Variants in PABPC4L observed in about 807,000 individuals in gnomAD.
PABPC4L encodes poly(A) binding protein cytoplasmic 4 like.
For missense variants in PABPC4L, 452 were observed against 451.4 expected, an observed-to-expected ratio of 1.00 and a Z score of -0.01; for synonymous variants, 169 against 164.1, an observed-to-expected ratio of 1.03 and a Z score of -0.23.
the PABPC4L span, among the ~76,000 whole-genome samples, chr4:133,995,822 G>T: frequency 6.6e-6 from 1 of 152,276 alleles, no homozygotes; most frequent in Admixed American, 6.5e-5. Flanking sequence ...AGGAGATATT[G>T]GCTGGGCTGT....
downstream of PABPC4L, among the ~76,000 whole-genome samples, chr4:134,192,169 A>G (rs1386102427): frequency 4.6e-5 from 7 of 152,144 alleles, no homozygotes; most frequent in Admixed American, 1.3e-4. Context: ...ATTCACACAA[A>G]TGAATATTAT....
At chr4:134,044,928 A>C in the PABPC4L span, among the ~76,000 whole-genome samples, 1 of 152,170 alleles carries the variant, frequency 6.6e-6, no homozygotes, top group East Asian at 1.9e-4. Context: ...TCCTTACAAA[A>C]ACAATTTCCA....
chr4:134,099,162 A>T, the PABPC4L span, among the ~76,000 whole-genome samples: 27 of 151,844 alleles, frequency 1.8e-4, no homozygotes, highest in East Asian at 5.3e-3. Flanking sequence ...TGGAAATAAT[A>T]TTCCGTAATA....
the PABPC4L span, among the ~76,000 whole-genome samples, chr4:134,188,430 G>A: frequency 3.3e-5 from 5 of 151,928 alleles, no homozygotes; most frequent in Admixed American, 2.0e-4. Flanking sequence ...GTTAATTATT[G>A]ACTTATAACA....
At chr4:133,978,266 T>A in the PABPC4L span, among the ~76,000 whole-genome samples, 85 of 152,132 alleles carry the variant, frequency 5.6e-4, no homozygotes, top group African/African-American at 1.7e-3. Context: ...AGGTGCTAGA[T>A]AAGAGCAAAA....
At chr4:133,997,053 G>A in the PABPC4L span, among the ~76,000 whole-genome samples, 1 of 151,994 alleles carries the variant, frequency 6.6e-6, no homozygotes, top group South Asian at 2.1e-4. Context: ...AAAGCCTCTC[G>A]GCTTTCCAAG....
the PABPC4L span, among the ~76,000 whole-genome samples, chr4:134,181,011 T>A: frequency 6.6e-6 from 1 of 151,516 alleles, no homozygotes; most frequent in Non-Finnish European, 1.5e-5. Flanking sequence ...GAGGTGAGAA[T>A]CCTCCCTAAC....
chr4:134,188,061 C>T, the PABPC4L span, among the ~76,000 whole-genome samples: 1 of 151,694 alleles, frequency 6.6e-6, no homozygotes, highest in Non-Finnish European at 1.5e-5. Flanking sequence ...TATTTTCTCT[C>T]TTTCTTAGCA....
chr4:134,033,006 A>C, the PABPC4L span, among the ~76,000 whole-genome samples: 13 of 145,422 alleles, frequency 8.9e-5, no homozygotes, highest in African/African-American at 3.1e-4. Context: ...GCTTTATTGC[A>C]TGACACAAGT....
the PABPC4L span, among the ~76,000 whole-genome samples, chr4:134,013,935 C>T: frequency 1.3e-4 from 20 of 152,108 alleles, no homozygotes; most frequent in African/African-American, 3.6e-4. Flanking sequence ...AGTTTCATTC[C>T]GTGACTAGCC....
the PABPC4L span, among the ~76,000 whole-genome samples, chr4:133,959,976 T>G: frequency 6.6e-6 from 1 of 152,260 alleles, no homozygotes; most frequent in Non-Finnish European, 1.5e-5. Flanking sequence ...TAATTCTGTT[T>G]ATATGTGTTT....
chr4:134,042,901 A>C, the PABPC4L span, among the ~76,000 whole-genome samples: 1 of 151,990 alleles, frequency 6.6e-6, no homozygotes, highest in South Asian at 2.1e-4. Flanking sequence ...AGGGTGGCCT[A>C]TTTTTCCTGT....
At chr4:134,144,908 T>A in the PABPC4L span, among the ~76,000 whole-genome samples, 1 of 151,742 alleles carries the variant, frequency 6.6e-6, no homozygotes, top group African/African-American at 2.4e-5. Flanking sequence ...GTTTATGATT[T>A]GTGAGCCAAC....
At chr4:134,113,981 C>A in the PABPC4L span, among the ~76,000 whole-genome samples, 1 of 151,802 alleles carries the variant, frequency 6.6e-6, no homozygotes, top group South Asian at 2.1e-4. Flanking sequence ...ATATTTAAAT[C>A]TGGGTGTTAT....
chr4:134,133,048 A>G, the PABPC4L span, among the ~76,000 whole-genome samples: 1 of 138,856 alleles, frequency 7.2e-6, no homozygotes, highest in Admixed American at 7.5e-5. Flanking sequence ...CATACATTAT[A>G]TATATTATTT....
the PABPC4L span, among the ~76,000 whole-genome samples, chr4:134,145,176 T>C: frequency 1.1e-4 from 17 of 151,956 alleles, no homozygotes; most frequent in South Asian, 3.1e-3. Context: ...GATGAGCCTA[T>C]CTGACAGTCA....
At chr4:134,117,894 A>G in the PABPC4L span, among the ~76,000 whole-genome samples, 1 of 151,752 alleles carries the variant, frequency 6.6e-6, no homozygotes, top group Non-Finnish European at 1.5e-5. Flanking sequence ...GGTTGGGTTT[A>G]TAGCCAACAA....
the PABPC4L span, among the ~76,000 whole-genome samples, chr4:133,974,379 A>G: frequency 6.6e-6 from 1 of 152,156 alleles, no homozygotes. Flanking sequence ...ATGTAAATAT[A>G]AGACTACAAA....
At chr4:134,146,815 T>C in the PABPC4L span, among the ~76,000 whole-genome samples, 7 of 152,070 alleles carry the variant, frequency 4.6e-5, no homozygotes, top group Non-Finnish European at 1.5e-5. Context: ...CAAGGCATCA[T>C]TCAGAAGGAA....
Sources: gnomAD v4.1 joint callset for allele counts (sites outside exome capture counted in the v4.1 genomes callset) on GRCh38, gnomAD v4.1.1 for gene constraint, MANE v1.5 for transcripts, NCBI Gene and HGNC (gene_info 2026-07-23, HGNC 2026-07-21) for gene names.